GRID2: variants seen among roughly 807,000 people sequenced by gnomAD.
GRID2 encodes glutamate ionotropic receptor delta type subunit 2, also known as glutamate receptor ionotropic, delta-2.
GRID2 carries 33 observed loss-of-function variants against 114.8 expected under a neutral mutation model. That is an observed-to-expected ratio of 0.29 (90% CI 0.22 to 0.38). The LOEUF is 0.38. Ranked by LOEUF, GRID2 falls within the 10% of genes least tolerant of loss-of-function variation. The pLI is 1.00. For synonymous variants in GRID2, 505 were observed against 449.9 expected (o/e 1.12, Z -1.55); for missense variants, 1,184 against 1,257.7 (o/e 0.94, Z 0.89).
intron 2 of GRID2, among the ~76,000 whole-genome samples, chr4:92,991,984 C>T (rs1360369749): frequency 6.6e-6 from 1 of 152,058 alleles, no homozygotes; most frequent in Non-Finnish European, 1.5e-5. Flanking sequence ...ATAAGAGGTA[C>T]ATTGGCAAAG....
chr4:92,768,313 A>C (rs1738366384), intron 2 of GRID2, among the ~76,000 whole-genome samples: 1 of 152,200 alleles, frequency 6.6e-6, no homozygotes, highest in Non-Finnish European at 1.5e-5. Context: ...CCTTTGAAAA[A>C]AAATTTTTTA....
chr4:93,476,867 A>G (rs971923306), intron 11 of GRID2, among the ~76,000 whole-genome samples: 4 of 152,120 alleles, frequency 2.6e-5, no homozygotes, highest in Middle Eastern at 3.2e-3. Context: ...TAGTTTTGAC[A>G]GATACTGGAA....
At chr4:93,271,890 CATTTT>C (rs1482165693) in intron 8 of GRID2, among the ~76,000 whole-genome samples, 2 of 152,206 alleles carry the variant, frequency 1.3e-5, no homozygotes, top group East Asian at 3.9e-4. Flanking sequence ...GTCTTTGTAG[CATTTT>C]ATAATTTTAC....
intron 1 of GRID2, among the ~76,000 whole-genome samples, chr4:92,461,188 A>C (rs1271141435): frequency 1.3e-5 from 2 of 151,988 alleles, no homozygotes; most frequent in African/African-American, 4.8e-5. Context: ...TGAAACATCA[A>C]GTATACCCAT....
chr4:93,453,150 G>T (rs1439469467), intron 10 of GRID2, among the ~76,000 whole-genome samples: 6 of 148,974 alleles, frequency 4.0e-5, no homozygotes, highest in African/African-American at 1.5e-4. Flanking sequence ...TTGGTTTTCT[G>T]TCCTTGCTTG....
At chr4:92,663,105 CAT>C (rs1209199342) in intron 2 of GRID2, among the ~76,000 whole-genome samples, 2 of 150,952 alleles carry the variant, frequency 1.3e-5, no homozygotes, top group Non-Finnish European at 3.0e-5. Context: ...GGCCACTACA[CAT>C]ATAAAAAGCC....
At chr4:93,297,147 A>G (rs1488570095) in intron 8 of GRID2, among the ~76,000 whole-genome samples, 1 of 152,224 alleles carries the variant, frequency 6.6e-6, no homozygotes, top group Non-Finnish European at 1.5e-5. Flanking sequence ...CCTGTAATCC[A>G]TGACAAGGTC....
intron 2 of GRID2, among the ~76,000 whole-genome samples, chr4:92,823,817 A>T (rs1578242926): frequency 1.3e-5 from 2 of 152,250 alleles, no homozygotes; most frequent in East Asian, 3.9e-4. Context: ...TAAAAGAAGG[A>T]TGTGACTATT....
chr4:93,637,742 T>A (rs1721543481), intron 14 of GRID2, among the ~76,000 whole-genome samples: 1 of 152,150 alleles, frequency 6.6e-6, no homozygotes, highest in South Asian at 2.1e-4. Context: ...TTTCCCTTCC[T>A]CTCATCTTCT....
intron 1 of GRID2, among the ~76,000 whole-genome samples, chr4:92,544,144 T>A (rs1726120156): frequency 1.3e-5 from 2 of 152,026 alleles, no homozygotes; most frequent in South Asian, 4.1e-4. Flanking sequence ...CTTGGAGGAG[T>A]TCCTCTCAAC....
chr4:93,139,329 G>A (rs1735549740), intron 4 of GRID2, among the ~76,000 whole-genome samples: 1 of 152,156 alleles, frequency 6.6e-6, no homozygotes, highest in Admixed American at 6.5e-5. Context: ...TTTGCAGGCA[G>A]AGGGCCAGGG....
At chr4:93,040,964 C>G (rs1332252130) in intron 2 of GRID2, among the ~76,000 whole-genome samples, 1 of 151,862 alleles carries the variant, frequency 6.6e-6, no homozygotes, top group African/African-American at 2.4e-5. Context: ...GAAACATTGT[C>G]AGAGATCATA....
chr4:93,153,437 C>G (rs959203372), intron 4 of GRID2, among the ~76,000 whole-genome samples: 2 of 152,028 alleles, frequency 1.3e-5, no homozygotes, highest in Non-Finnish European at 2.9e-5. Context: ...CTCGCACTTG[C>G]AATCAGAGAA....
intron 12 of GRID2, among the ~76,000 whole-genome samples, chr4:93,496,780 T>G (rs1302338991): frequency 6.6e-6 from 1 of 151,880 alleles, no homozygotes; most frequent in African/African-American, 2.4e-5. Context: ...ATTTACTTAC[T>G]GAATGACATT....
intron 1 of GRID2, among the ~76,000 whole-genome samples, chr4:92,305,973 G>A (rs1386709010): frequency 6.6e-6 from 1 of 152,162 alleles, no homozygotes; most frequent in Non-Finnish European, 1.5e-5. Flanking sequence ...GCGACAGATG[G>A]GTCACAGCTT....
intron 1 of GRID2, among the ~76,000 whole-genome samples, chr4:92,580,804 A>G (rs1053739159): frequency 2.0e-5 from 3 of 151,948 alleles, no homozygotes; most frequent in Admixed American, 2.0e-4. Flanking sequence ...GAAAAATGTT[A>G]AATCTGTTCA....
intron 2 of GRID2, among the ~76,000 whole-genome samples, chr4:92,729,919 AAAGC>A (rs1208110796): frequency 1.3e-5 from 2 of 152,032 alleles, no homozygotes; most frequent in African/African-American, 4.8e-5. Context: ...ACAAGAAAAC[AAAGC>A]AAGCAAAGAG....
At chr4:92,523,736 T>C (rs915620769) in intron 1 of GRID2, among the ~76,000 whole-genome samples, 14 of 151,926 alleles carry the variant, frequency 9.2e-5, no homozygotes, top group African/African-American at 3.4e-4. Flanking sequence ...CAGGTGGAAG[T>C]AGAAGGACAC....
intron 4 of GRID2, among the ~76,000 whole-genome samples, chr4:93,205,746 A>G (rs1013432548): frequency 1.4e-4 from 21 of 152,192 alleles, no homozygotes; most frequent in African/African-American, 4.8e-4. Flanking sequence ...GACTTCCACA[A>G]TGGTTGAACT....
Sources: allele counts gnomAD v4.1 joint callset (sites outside exome capture counted in the v4.1 genomes callset), GRCh38; gene constraint gnomAD v4.1.1; transcripts MANE v1.5; gene names NCBI Gene and HGNC (gene_info 2026-07-23, HGNC 2026-07-21).